HS6ST3: variants seen among roughly 807,000 people sequenced by gnomAD.
The protein encoded by HS6ST3 is heparan-sulfate 6-O-sulfotransferase 3.
In HS6ST3, 12 loss-of-function variants were observed where a neutral mutation model predicts 36.7. The observed-to-expected ratio is 0.33, with a 90% CI of 0.21 to 0.53. The LOEUF is 0.53. HS6ST3 is among the 20% of genes least tolerant of loss of function. The probability of loss-of-function intolerance (pLI) is 0.95; values close to 1 mark genes in which losing one functional copy is unlikely to be tolerated. For synonymous variants in HS6ST3, 240 were observed against 257.5 expected (o/e 0.93, Z 0.65); for missense variants, 584 against 640.9 (o/e 0.91, Z 0.96).
At chr13:96,181,404 C>T (rs1012000725) in intron 1 of HS6ST3, among the ~76,000 whole-genome samples, 5 of 152,196 alleles carry the variant, frequency 3.3e-5, no homozygotes, top group Non-Finnish European at 7.3e-5. Context: ...CTTAAAATGT[C>T]AAATGCATTT....
At chr13:96,228,546 G>C (rs72642939) in intron 1 of HS6ST3, among the ~76,000 whole-genome samples, 1 of 152,310 alleles carries the variant, frequency 6.6e-6, no homozygotes, top group Non-Finnish European at 1.5e-5. Context: ...GATTACAGGT[G>C]TGGACCACCG....
At chr13:96,392,148 TATTAAGCCTTTTGTATGTGGTCTTTA>T (rs1387003222) in intron 1 of HS6ST3, among the ~76,000 whole-genome samples, 2 of 152,220 alleles carry the variant, frequency 1.3e-5, no homozygotes, top group Non-Finnish European at 2.9e-5. Flanking sequence ...GAAGAAAGAC[TATTAAGCCTTTTGTATGTGGTCTTTA>T]ACAGTTTGCT....
In HS6ST3 at chr13:96,498,957, G is replaced by A. The variant is rs532330381; in HGVS notation, c.708-333533G>A. Among the ~76,000 whole-genome samples the A allele has an allele frequency of 3.3e-5, 5 of 151,912 alleles. No homozygotes were observed. The South Asian group carries it at 1.0e-3, about 32-fold the overall frequency. On this transcript the variant is annotated intron_variant, in intron 1 of 1. Coordinates refer to ENST00000376705, the MANE Select transcript of HS6ST3 (RefSeq NM_153456.4). Reference sequence around the variant, plus strand: ...GATTTCTCATCTTTCAGATTCTTATGAATTTTCTATCATTCAGGTCAGTAT... The same window carrying A: ...GATTTCTCATCTTTCAGATTCTTATAAATTTTCTATCATTCAGGTCAGTAT...
intron 1 of HS6ST3, among the ~76,000 whole-genome samples, chr13:96,326,955 T>C (rs1466370609): frequency 9.3e-5 from 14 of 150,100 alleles, no homozygotes; most frequent in Admixed American, 3.3e-4. Flanking sequence ...TTTCATGTGT[T>C]TTTTGGCTGC....
Sources: gnomAD v4.1 joint callset for allele counts (sites outside exome capture counted in the v4.1 genomes callset) on GRCh38, gnomAD v4.1.1 for gene constraint, MANE v1.5 for transcripts, NCBI Gene and HGNC (gene_info 2026-07-23, HGNC 2026-07-21) for gene names.